DDX19B: variants seen among roughly 807,000 people sequenced by gnomAD.
DDX19B encodes ATP-dependent RNA helicase DDX19B.
In DDX19B, 27 loss-of-function variants were observed where a neutral mutation model predicts 58.1. The ratio of observed to expected loss-of-function variants is 0.46; its 90% CI spans 0.34 to 0.64. The LOEUF (loss-of-function observed/expected upper bound fraction) is 0.64. DDX19B is among the 30% of genes least tolerant of loss of function. The pLI is 0.01. For synonymous variants in DDX19B, 187 were observed against 214.4 expected, an observed-to-expected ratio of 0.87 and a Z score of 1.12; for missense variants, 399 against 596.5, an observed-to-expected ratio of 0.67 and a Z score of 3.45.
intron 9 of DDX19B, 50 bp downstream of exon 9, chr16:70,330,118 C>G: frequency 1.9e-6 from 3 of 1,603,470 alleles, no homozygotes; most frequent in Non-Finnish European, 1.7e-6. Context: ...TCAGCCAGCT[C>G]CCCACAGGGC....
chr16:70,327,734 A>G (rs1963247977), intron 7 of DDX19B, among the ~76,000 whole-genome samples: 2 of 152,180 alleles, frequency 1.3e-5, no homozygotes, highest in Admixed American at 1.3e-4. Flanking sequence ...TATCTTCATT[A>G]GCAGAATAAA....
intron 1 of DDX19B, among the ~76,000 whole-genome samples, chr16:70,312,264 A>C (rs557617575): frequency 3.8e-4 from 58 of 151,148 alleles, no homozygotes; most frequent in African/African-American, 1.3e-3. Context: ...ATTCCCCCCC[A>C]CACACAAAAG....
intron 7 of DDX19B, among the ~76,000 whole-genome samples, chr16:70,328,945 G>A (rs1257405471): frequency 4.6e-5 from 7 of 151,522 alleles, no homozygotes; most frequent in South Asian, 2.1e-4. Flanking sequence ...GGCCGGGCAC[G>A]GTGGCTCATG....
chr16:70,326,273 G>C (rs995494891), intron 7 of DDX19B, among the ~76,000 whole-genome samples: 2 of 152,142 alleles, frequency 1.3e-5, no homozygotes, highest in African/African-American at 4.8e-5. Flanking sequence ...TCAGGAGATT[G>C]AGACCATCCT....
At chr16:70,299,119 C>T, upstream of DDX19B, 1 of 1,338,830 alleles carries the variant, frequency 7.5e-7, no homozygotes. Context: ...TCGACAGCCT[C>T]AAGTGGGCAA....
At chr16:70,290,273 C>A (rs1200281383), upstream of DDX19B, among the ~76,000 whole-genome samples, 1 of 152,012 alleles carries the variant, frequency 6.6e-6, no homozygotes, top group Non-Finnish European at 1.5e-5. Context: ...CGCGGTGGCC[C>A]ACACCTGTAA....
rs1004707253 is a variant in DDX19B at position 70,309,388 on chromosome 16, C to T, written c.58-3221C>T. Reference sequence around the variant, plus strand: ...CAGGCGCCTGTAGTCCCAGCTACTCCGGAGGCTGAGGCAGGAGAATGGCGT... The same window carrying T: ...CAGGCGCCTGTAGTCCCAGCTACTCTGGAGGCTGAGGCAGGAGAATGGCGT... On this transcript the variant is annotated intron_variant, in intron 1 of 11. Transcript: ENST00000288071. Among the ~76,000 whole-genome samples the T allele has an allele frequency of 7.7e-4, 117 of 151,780 alleles. 2 individuals carry two copies. Among genetic ancestry groups the T allele is most frequent in the African/African-American group, 2.7e-3 (113 of 41,386 alleles).
chr16:70,333,502 C>G lies in DDX19B; in HGVS notation c.1379-19C>G. On this transcript the variant is annotated intron_variant, in intron 11 of 11. Coordinates refer to ENST00000288071, the MANE Select transcript of DDX19B (RefSeq NM_007242.7). ...GCACATTCCTGGGCAGGGTAGAGAC[C>G]TGTGTATCTTTCCCCCAGATAAGAA... is the stretch of plus-strand genomic sequence containing the variant. 1 of 1,613,954 alleles carries G rather than the reference C, an allele frequency of 6.2e-7. No homozygotes were observed. The highest frequency in any genetic ancestry group is 1.3e-5 in the African/African-American group (1 of 75,046).
In DDX19B at chr16:70,333,723, T is replaced by C; in HGVS notation, c.*141T>C. ...CTACCTACCTCACTTCAAATTATGTTTGGACTTGACAAAAATGTATGCAAA... is the reference window on the plus strand; with the variant it reads ...CTACCTACCTCACTTCAAATTATGTCTGGACTTGACAAAAATGTATGCAAA... On this transcript the variant is annotated 3_prime_UTR_variant, in exon 12 of 12. Coordinates refer to ENST00000288071, the MANE Select transcript of DDX19B (RefSeq NM_007242.7). 1 of 1,333,440 alleles carries C rather than the reference T, an allele frequency of 7.5e-7. No homozygotes were observed. The highest frequency in any genetic ancestry group is 1.0e-6 in the Non-Finnish European group (1 of 952,554). The allele number at this position is 1,333,440 out of a possible 1,614,324, so 82.6% of individuals were successfully genotyped here.
chr16:70,296,105 A>C (rs1013733333), upstream of DDX19B, among the ~76,000 whole-genome samples: 2 of 151,520 alleles, frequency 1.3e-5, no homozygotes, highest in African/African-American at 4.9e-5. Context: ...CCTGGGTTCA[A>C]GCAATTCTCT....
In DDX19B at chr16:70,301,058, T is replaced by C. The variant is rs912708710; in HGVS notation, c.57+1704T>C. Reference sequence around the variant, plus strand: ...TCCTGTCTTTAGAGCACAGTTCATATTGGGGAATAGAGGGAACAGGGCAAA... The same window carrying C: ...TCCTGTCTTTAGAGCACAGTTCATACTGGGGAATAGAGGGAACAGGGCAAA... On this transcript the variant is annotated intron_variant, in intron 1 of 11. Transcript: ENST00000288071. Among the ~76,000 whole-genome samples, 7 of 152,152 alleles carry C rather than the reference T, an allele frequency of 4.6e-5. No individual in the cohort carries two copies. In the South Asian group the frequency reaches 6.2e-4, roughly 14 times the overall value.
chr16:70,295,130 A>G, upstream of DDX19B: 1 of 1,176,118 alleles, frequency 8.5e-7, no homozygotes, highest in Non-Finnish European at 1.1e-6. Flanking sequence ...GAATAAATGC[A>G]GGAGGCTGAA....
chr16:70,318,928 C>T (rs1039912490), intron 5 of DDX19B, among the ~76,000 whole-genome samples: 1 of 151,518 alleles, frequency 6.6e-6, no homozygotes, highest in Non-Finnish European at 1.5e-5. Context: ...CACGGTGAAA[C>T]CCCATCTCTA....
chr16:70,299,198 T>A lies in DDX19B; in HGVS notation c.-100T>A. ...CCGCTTCCGGTCTGCAGCCTTGTAG[T>A]GGGGCTGGAGCAGAGCCTGCCGCGA... On this transcript the variant is annotated 5_prime_UTR_variant, in exon 1 of 12. Coordinates refer to ENST00000288071, the MANE Select transcript of DDX19B (RefSeq NM_007242.7). The A allele has an allele frequency of 7.1e-7, 1 of 1,406,818 alleles. No homozygotes were observed. The highest frequency in any genetic ancestry group is 9.2e-7 in the Non-Finnish European group (1 of 1,081,104). The allele number at this position is 1,406,818 out of a possible 1,614,324, so 87.1% of individuals were successfully genotyped here.
chr16:70,300,021 T>C (rs1460083905), intron 1 of DDX19B, among the ~76,000 whole-genome samples: 5 of 152,236 alleles, frequency 3.3e-5, no homozygotes, highest in African/African-American at 1.2e-4. Context: ...CCGAAACACT[T>C]TAAATCCTAG....
At chr16:70,330,154 G>A (rs1475227693) in intron 9 of DDX19B, 86 bp downstream of exon 9, 2 of 1,493,878 alleles carry the variant, frequency 1.3e-6, no homozygotes, top group South Asian at 2.4e-5. Context: ...GCCCCTGGGT[G>A]CCATGGGAAG....
chr16:70,324,692 G>C lies in DDX19B; in HGVS notation c.492+5G>C. 1 of 1,606,368 alleles carries C rather than the reference G, an allele frequency of 6.2e-7. No homozygotes were observed. Among genetic ancestry groups the C allele is most frequent in the South Asian group, 1.1e-5 (1 of 89,408 alleles). On this transcript the variant is annotated splice_donor_5th_base_variant and intron_variant, in intron 6 of 11. Transcript: ENST00000288071. The stretch of plus-strand genomic sequence containing the variant: ...CCTGCAAACAAATACCCCCAGGTAA[G>C]GATTTATGAATTTAGGTTTTCTACT...
At chr16:70,328,685 C>CTA in intron 7 of DDX19B, among the ~76,000 whole-genome samples, 2 of 151,776 alleles carry the variant, frequency 1.3e-5, no homozygotes, top group Middle Eastern at 6.8e-3. Flanking sequence ...TTTAAATGTA[C>CTA]AATATATTGT....
At chr16:70,318,251 G>T (rs1962549125) in intron 5 of DDX19B, among the ~76,000 whole-genome samples, 1 of 151,516 alleles carries the variant, frequency 6.6e-6, no homozygotes, top group Non-Finnish European at 1.5e-5. Context: ...GTGTGCTCCT[G>T]TAGTCCCAGC....
Sources: allele counts gnomAD v4.1 joint callset (sites outside exome capture counted in the v4.1 genomes callset), GRCh38; gene constraint gnomAD v4.1.1; transcripts MANE v1.5; gene names NCBI Gene and HGNC (gene_info 2026-07-23, HGNC 2026-07-21).